RNF217: variants seen among roughly 807,000 people sequenced by gnomAD.
RNF217 encodes the protein ring finger protein 217.
In RNF217, 31 loss-of-function variants were observed where a neutral mutation model predicts 57.8. The observed-to-expected ratio is 0.54, with a 90% CI of 0.40 to 0.72. The LOEUF (loss-of-function observed/expected upper bound fraction) is 0.72. Among genes scored for constraint, RNF217 ranks in the 30% least tolerant of loss-of-function variants. RNF217 has a pLI of 0.00. For synonymous variants in RNF217, 313 were observed against 294.0 expected (o/e 1.06, Z -0.66); for missense variants, 696 against 708.3 (o/e 0.98, Z 0.20).
intron 1 of RNF217, among the ~76,000 whole-genome samples, chr6:124,988,269 A>G (rs1397401534): frequency 6.6e-6 from 1 of 152,190 alleles, no homozygotes; most frequent in African/African-American, 2.4e-5. Context: ...CCCTAGTGCC[A>G]AAAAGGTTGG....
intron 2 of RNF217, among the ~76,000 whole-genome samples, chr6:125,050,057 A>G (rs1476982612): frequency 6.6e-6 from 1 of 151,884 alleles, no homozygotes; most frequent in Non-Finnish European, 1.5e-5. Flanking sequence ...GAGGTAGAGG[A>G]GGTGATAGCA....
intron 1 of RNF217, among the ~76,000 whole-genome samples, chr6:124,989,957 T>C (rs2115039224): frequency 6.6e-6 from 1 of 152,236 alleles, no homozygotes; most frequent in Non-Finnish European, 1.5e-5. Flanking sequence ...TTGTGTGCTT[T>C]CTTTATAATG....
At chr6:125,080,653 G>T (rs1384206771) in intron 4 of RNF217, among the ~76,000 whole-genome samples, 2 of 151,944 alleles carry the variant, frequency 1.3e-5, no homozygotes, top group African/African-American at 4.8e-5. Flanking sequence ...TTTTGTGCCT[G>T]TGTCTTTCAA....
intron 2 of RNF217, chr6:125,046,710 T>C (rs1165111364): frequency 2.2e-6 from 1 of 455,702 alleles, no homozygotes; most frequent in African/African-American, 2.0e-5. Flanking sequence ...GTTACATTAT[T>C]CATTTTGTAG....
At chr6:125,031,525 C>A (rs1231484318) in intron 1 of RNF217, among the ~76,000 whole-genome samples, 1 of 152,124 alleles carries the variant, frequency 6.6e-6, no homozygotes, top group East Asian at 1.9e-4. Flanking sequence ...CTCTCAAGTT[C>A]AAAGTTTCAG....
intron 1 of RNF217, among the ~76,000 whole-genome samples, chr6:125,036,836 G>A (rs1311982368): frequency 6.6e-6 from 1 of 150,704 alleles, no homozygotes; most frequent in East Asian, 1.9e-4. Context: ...CACTTAGAAT[G>A]GCGATTAAAA....
chr6:124,962,732 A>G lies in RNF217; in HGVS notation c.188A>G (p.Asp63Gly). 1.9e-6 allele frequency: 3 copies of G among 1,562,032 alleles called. No homozygotes were observed. The highest frequency in any genetic ancestry group is 1.7e-6 in the Non-Finnish European group (2 of 1,164,276). ...GGCGSDWGCA[D>G]TSAPEPARSL... ...TGCGGAAGCGACTGGGGCTGCGCGGACACCAGCGCCCCAGAGCCCGCGAGG... is the reference window on the plus strand; with the variant it reads ...TGCGGAAGCGACTGGGGCTGCGCGGGCACCAGCGCCCCAGAGCCCGCGAGG... Residue 63 changes from aspartate (D) to glycine (G), a missense_variant, in exon 1 of 6, where the codon GAC (aspartate) becomes GGC (glycine). By Grantham distance (94) the Asp-to-Gly change is moderately conservative (BLOSUM62 -1). Coordinates refer to ENST00000521654, the MANE Select transcript of RNF217 (RefSeq NM_001286398.3). This position sits in a 1 kb window ranked among gnomAD's most constrained non-coding sequence, Gnocchi z 4.6.
chr6:125,065,290 C>CAAAAAAA (rs1192938088), intron 3 of RNF217, among the ~76,000 whole-genome samples: 1 of 63,738 alleles, frequency 1.6e-5, no homozygotes, highest in African/African-American at 5.4e-5. Context: ...GACTCTGTCT[C>CAAAAAAA]AAAAAAAAAA....
chr6:124,968,730 C>T (rs531296105), intron 1 of RNF217, among the ~76,000 whole-genome samples: 2 of 152,246 alleles, frequency 1.3e-5, no homozygotes. Context: ...TTTTTCCCTC[C>T]TAGAGCTTTT....
intron 1 of RNF217, among the ~76,000 whole-genome samples, chr6:125,035,668 C>G (rs1192394204): frequency 1.3e-5 from 2 of 152,094 alleles, no homozygotes; most frequent in African/African-American, 4.8e-5. Flanking sequence ...TATAATCAAT[C>G]CAGTTTATCA....
chr6:125,065,843 G>A (rs771488393), intron 3 of RNF217, among the ~76,000 whole-genome samples: 1 of 152,172 alleles, frequency 6.6e-6, no homozygotes, highest in Admixed American at 6.6e-5. Context: ...TAGGCAAATC[G>A]TAAAGTTTTG....
At chr6:125,027,167 C>T (rs1437020121) in intron 1 of RNF217, among the ~76,000 whole-genome samples, 1 of 152,070 alleles carries the variant, frequency 6.6e-6, no homozygotes, top group Admixed American at 6.6e-5. Context: ...AATCCAATTA[C>T]ATTAAGTTAT....
chr6:125,010,944 C>T (rs973437906), intron 1 of RNF217, among the ~76,000 whole-genome samples: 9 of 152,116 alleles, frequency 5.9e-5, no homozygotes, highest in South Asian at 2.1e-4. Context: ...TTCAAAAAGA[C>T]GGGGTTGAAT....
chr6:125,082,579 T>C (rs1788614134), intron 5 of RNF217: 11 of 1,605,272 alleles, frequency 6.9e-6, no homozygotes, highest in African/African-American at 1.3e-5. Context: ...TATCATAGTG[T>C]GCAAATGATA....
chr6:125,001,528 ATAAT>A (rs1023427319), intron 1 of RNF217, among the ~76,000 whole-genome samples: 3 of 152,226 alleles, frequency 2.0e-5, no homozygotes, highest in East Asian at 1.9e-4. Flanking sequence ...GACAATTGAA[ATAAT>A]TAAGTAAACT....
chr6:125,008,217 C>A (rs1785266776), intron 1 of RNF217, among the ~76,000 whole-genome samples: 1 of 151,754 alleles, frequency 6.6e-6, no homozygotes, highest in Non-Finnish European at 1.5e-5. Context: ...GATGGAACCA[C>A]TGCACTCCAG....
At chr6:125,030,277 C>T (rs908791127) in intron 1 of RNF217, among the ~76,000 whole-genome samples, 2 of 152,090 alleles carry the variant, frequency 1.3e-5, no homozygotes, top group Non-Finnish European at 2.9e-5. Flanking sequence ...ATCATTCTGC[C>T]CCTGGCCCCT....
intron 1 of RNF217, among the ~76,000 whole-genome samples, chr6:125,033,702 A>G (rs1266101704): frequency 2.0e-5 from 3 of 151,968 alleles, no homozygotes. Context: ...TCCTTTGGGT[A>G]TATACCCAGT....
chr6:125,033,635 A>G (rs1786465106), intron 1 of RNF217, among the ~76,000 whole-genome samples: 1 of 151,874 alleles, frequency 6.6e-6, no homozygotes, highest in African/African-American at 2.4e-5. Flanking sequence ...TGCTACTGTG[A>G]ATAGTGCCGC....
Sources: gnomAD v4.1 joint callset for allele counts (sites outside exome capture counted in the v4.1 genomes callset) on GRCh38, gnomAD v4.1.1 for gene constraint, Gnocchi (gnomAD v3.1) non-coding constraint, MANE v1.5 for transcripts, NCBI Gene and HGNC (gene_info 2026-07-23, HGNC 2026-07-21) for gene names.